ATP11C: variants seen among roughly 807,000 people sequenced by gnomAD.
ATP11C encodes the protein phospholipid-transporting ATPase IG.
In ATP11C, 36 loss-of-function variants were observed where a neutral mutation model predicts 97.4. The ratio of observed to expected loss-of-function variants is 0.37; its 90% confidence interval spans 0.28 to 0.49. The LOEUF (loss-of-function observed/expected upper bound fraction) is 0.49. Ranked by LOEUF, ATP11C falls within the 20% of genes least tolerant of loss-of-function variation. The pLI, the probability that ATP11C is intolerant of heterozygous loss-of-function variation, is 0.98. For synonymous variants in ATP11C, 275 were observed against 290.9 expected (o/e 0.95, Z 0.56); for missense variants, 730 against 824.6 (o/e 0.89, Z 1.40).
chrX:139,912,227 A>AT (rs1392572314), intron 1 of ATP11C, among the ~76,000 whole-genome samples: 1 of 109,861 alleles, frequency 9.1e-6, no homozygotes, highest in African/African-American at 3.3e-5. Flanking sequence ...AAAAAACAAT[A>AT]TACAAACCAT....
At chrX:139,802,954 T>C (rs1025475801) in intron 6 of ATP11C, among the ~76,000 whole-genome samples, 2 of 111,890 alleles carry the variant, frequency 1.8e-5, no homozygotes, top group African/African-American at 6.5e-5. Flanking sequence ...ACTTGATTCA[T>C]CCAGAACTCA....
At chrX:139,890,127 GA>G (rs1446631753) in intron 1 of ATP11C, among the ~76,000 whole-genome samples, 1 of 111,598 alleles carries the variant, frequency 9.0e-6, no homozygotes, top group Non-Finnish European at 1.9e-5. Flanking sequence ...AGAAGATCAA[GA>G]GTTTTCTAAA....
intron 1 of ATP11C, among the ~76,000 whole-genome samples, chrX:139,913,879 T>C (rs917536746): frequency 9.0e-6 from 1 of 111,449 alleles, no homozygotes; most frequent in Non-Finnish European, 1.9e-5. Flanking sequence ...AATGTTCCCA[T>C]CCAAAGTATA....
At chrX:139,789,234 G>T in intron 13 of ATP11C, 93 bp downstream of exon 13, 3 of 691,665 alleles carry the variant, frequency 4.3e-6, no homozygotes, top group Non-Finnish European at 6.3e-6. Flanking sequence ...AAAAGTCTAT[G>T]TCATGTGTCC....
chrX:139,859,459 CATTAT>C (rs2084145071), intron 1 of ATP11C, among the ~76,000 whole-genome samples: 1 of 111,896 alleles, frequency 8.9e-6, no homozygotes, highest in African/African-American at 3.2e-5. Flanking sequence ...CCCATAAATA[CATTAT>C]GTGTCAATTA....
At chrX:139,907,348 C>T (rs67115622) in intron 1 of ATP11C, among the ~76,000 whole-genome samples, 5,563 of 111,549 alleles carry the variant, frequency 0.05, 240 homozygotes, top group East Asian at 0.29. Context: ...CCTAAAGAAG[C>T]TTCTCCTGGA....
chrX:139,922,198 GTCTC>G (rs927137966), intron 1 of ATP11C, among the ~76,000 whole-genome samples: 2 of 79,673 alleles, frequency 2.5e-5, no homozygotes, highest in African/African-American at 9.2e-5. Context: ...GAGCAAGACT[GTCTC>G]TCTCTCTCTC....
At chrX:139,880,380 T>G in intron 1 of ATP11C, among the ~76,000 whole-genome samples, 1 of 111,982 alleles carries the variant, frequency 8.9e-6, no homozygotes. Flanking sequence ...TTGCTCATTT[T>G]AATGTATGGC....
At chrX:139,823,795 C>T (rs1486024334) in intron 2 of ATP11C, among the ~76,000 whole-genome samples, 3 of 111,456 alleles carry the variant, frequency 2.7e-5, no homozygotes, top group Non-Finnish European at 3.8e-5. Flanking sequence ...AAGCAAATGC[C>T]CGAAAACCAA....
chrX:139,803,197 C>T (rs1274164444), intron 6 of ATP11C, among the ~76,000 whole-genome samples: 1 of 112,463 alleles, frequency 8.9e-6, no homozygotes, highest in African/African-American at 3.2e-5. Flanking sequence ...AGTTTTCTTA[C>T]TCCAAACAAC....
intron 1 of ATP11C, among the ~76,000 whole-genome samples, chrX:139,877,459 T>G (rs1343687869): frequency 9.0e-6 from 1 of 111,467 alleles, no homozygotes; most frequent in Admixed American, 9.5e-5. Flanking sequence ...AAGAGCAACC[T>G]TGTTATTTCC....
chrX:139,773,078 G>T (rs925551910), intron 19 of ATP11C, among the ~76,000 whole-genome samples: 1 of 110,733 alleles, frequency 9.0e-6, no homozygotes, highest in African/African-American at 3.3e-5. Context: ...GAATCATGGG[G>T]GCTGGTCTTT....
chrX:139,927,850 G>A (rs1188248580), intron 1 of ATP11C, among the ~76,000 whole-genome samples: 1 of 111,285 alleles, frequency 9.0e-6, no homozygotes, highest in Non-Finnish European at 1.9e-5. Flanking sequence ...CAACTAACAA[G>A]AACTCATTCT....
chrX:139,825,391 T>C (rs2083507577), intron 2 of ATP11C, among the ~76,000 whole-genome samples: 1 of 111,829 alleles, frequency 8.9e-6, no homozygotes, highest in South Asian at 3.7e-4. Context: ...ATCAAAGGAC[T>C]ACTACAGACC....
At chrX:139,885,767 G>T (rs1457874630) in intron 1 of ATP11C, among the ~76,000 whole-genome samples, 1 of 111,388 alleles carries the variant, frequency 9.0e-6, no homozygotes, top group African/African-American at 3.3e-5. Flanking sequence ...CAGAAAAAGT[G>T]CAAGATTCAT....
chrX:139,844,071 G>C (rs764515523), intron 1 of ATP11C, among the ~76,000 whole-genome samples: 1 of 111,563 alleles, frequency 9.0e-6, no homozygotes, highest in South Asian at 3.7e-4. Flanking sequence ...CAGTCTTTGC[G>C]AAACAGAAAC....
intron 28 of ATP11C, among the ~76,000 whole-genome samples, chrX:139,732,078 C>G (rs1334895930): frequency 9.0e-6 from 1 of 110,570 alleles, no homozygotes; most frequent in Non-Finnish European, 1.9e-5. Context: ...GTAAACCTTA[C>G]CATCCTTTTG....
intron 1 of ATP11C, among the ~76,000 whole-genome samples, chrX:139,917,954 T>G (rs2085179911): frequency 7.6e-5 from 1 of 13,155 alleles, no homozygotes; most frequent in South Asian, 8.5e-3. Flanking sequence ...AGGCTTTGTC[T>G]CAAAAAAAAA....
intron 1 of ATP11C, among the ~76,000 whole-genome samples, chrX:139,907,564 C>G (rs1198258854): frequency 9.1e-6 from 1 of 109,878 alleles, no homozygotes; most frequent in Non-Finnish European, 1.9e-5. Context: ...CTGGCTAACA[C>G]GGTGAAACCC....
Sources: gnomAD v4.1 joint callset for allele counts (sites outside exome capture counted in the v4.1 genomes callset) on GRCh38, gnomAD v4.1.1 for gene constraint, MANE v1.5 for transcripts, NCBI Gene and HGNC (gene_info 2026-07-23, HGNC 2026-07-21) for gene names.